The following CFAP418 variants were observed in gnomAD, a reference collection of about 807,000 sequenced individuals.
CFAP418 encodes the protein cilia and flagella associated protein 418.
Under a neutral mutation model 24.7 loss-of-function variants are expected in CFAP418, and 27 were observed. The ratio of observed to expected loss-of-function variants is 1.09; its 90% confidence interval spans 0.81 to 1.51. The LOEUF (loss-of-function observed/expected upper bound fraction) is 1.51, where lower values mean the gene tolerates loss of function less well. Among genes scored for constraint, CFAP418 ranks in the 40% most tolerant of loss-of-function variants. The pLI is 0.00. For synonymous variants in CFAP418, 74 were observed against 87.3 expected, an observed-to-expected ratio of 0.85 and a Z score of 0.85; for missense variants, 257 against 255.2, an observed-to-expected ratio of 1.01 and a Z score of -0.05.
At chr8:95,263,259 T>C (rs1282547073) in intron 2 of CFAP418, among the ~76,000 whole-genome samples, 1 of 152,202 alleles carries the variant, frequency 6.6e-6, no homozygotes, top group Non-Finnish European at 1.5e-5. Context: ...AAAATAGACA[T>C]ACAAACATTT....
Position 95,246,764 on chromosome 8 carries a change from C to A in CFAP418, c.*853G>T, listed in dbSNP as rs1461380750. ...ACTCACCTAATAAACGATATGTCAA[C>A]CTGATCCTACCAGAGAAGTCCACAG... On this transcript the variant is annotated 3_prime_UTR_variant, in exon 6 of 6. Coordinates refer to ENST00000286688, the MANE Select transcript of CFAP418 (RefSeq NM_177965.4). The A allele has an allele frequency of 1.3e-5, 2 of 152,122 alleles. No homozygotes were observed. Among genetic ancestry groups the A allele is most frequent in the African/African-American group, 4.8e-5 (2 of 41,416 alleles). 9.4% of individuals were successfully genotyped at this position (152,122 alleles called of 1,614,324 possible).
chr8:95,254,421 C>G (rs146471056), intron 4 of CFAP418, among the ~76,000 whole-genome samples: 2 of 152,282 alleles, frequency 1.3e-5, no homozygotes, highest in African/African-American at 4.8e-5. Context: ...AATCAGTACT[C>G]TTTTCAGGGC....
chr8:95,260,407 G>A, intron 3 of CFAP418, 61 bp downstream of exon 3: 8 of 1,212,450 alleles, frequency 6.6e-6, no homozygotes, highest in Non-Finnish European at 9.4e-6. Flanking sequence ...AAATCTACTA[G>A]ACTATGCTCA....
At chr8:95,268,860 A>C (rs1379268881) in intron 1 of CFAP418, 175 bp downstream of exon 1, 1 of 673,212 alleles carries the variant, frequency 1.5e-6, no homozygotes, top group African/African-American at 1.8e-5. Flanking sequence ...AGAATCCGCG[A>C]AGAGGGTCGA....
chr8:95,253,655 T>C (rs559543104), intron 4 of CFAP418, among the ~76,000 whole-genome samples: 2 of 152,364 alleles, frequency 1.3e-5, no homozygotes, highest in Admixed American at 6.5e-5. Context: ...ACAAGTTTCA[T>C]AGGCAAGTCC....
At chr8:95,248,963 T>C (rs1811668790) in intron 5 of CFAP418, among the ~76,000 whole-genome samples, 1 of 152,166 alleles carries the variant, frequency 6.6e-6, no homozygotes, top group Non-Finnish European at 1.5e-5. Context: ...TCACAAAACC[T>C]GACAGATTTT....
chr8:95,253,954 A>G (rs1811748382), intron 4 of CFAP418, among the ~76,000 whole-genome samples: 2 of 152,252 alleles, frequency 1.3e-5, no homozygotes, highest in African/African-American at 4.8e-5. Context: ...TATGTGTAAA[A>G]TCTCAACCAT....
Position 95,245,858 on chromosome 8 carries a change from T to C in CFAP418, c.*1759A>G, listed in dbSNP as rs1811611983. 2 of 152,194 alleles carry C rather than the reference T, an allele frequency of 1.3e-5. No homozygotes were observed. The highest frequency in any genetic ancestry group is 4.8e-5 in the African/African-American group (2 of 41,440). 9.4% of individuals were successfully genotyped at this position (152,194 alleles called of 1,614,324 possible). On this transcript the variant is annotated 3_prime_UTR_variant, in exon 6 of 6. Coordinates refer to ENST00000286688, the MANE Select transcript of CFAP418 (RefSeq NM_177965.4). ...TTCTATGAGGTTCTAAATGTGTGGATCTTGTTGCTCTGCTATTTTTTTCCA... is the reference window on the plus strand; with the variant it reads ...TTCTATGAGGTTCTAAATGTGTGGACCTTGTTGCTCTGCTATTTTTTTCCA...
chr8:95,267,790 G>A (rs186222233), intron 1 of CFAP418, among the ~76,000 whole-genome samples: 10 of 151,810 alleles, frequency 6.6e-5, no homozygotes, highest in Admixed American at 6.5e-4. Context: ...TTTCACAAGC[G>A]TTTCCAAAAT....
chr8:95,249,805 G>T (rs577812080), intron 5 of CFAP418, among the ~76,000 whole-genome samples: 1 of 152,270 alleles, frequency 6.6e-6, no homozygotes, highest in South Asian at 2.1e-4. Context: ...TTTCCTCAGT[G>T]ATTATTCCAC....
intron 2 of CFAP418, among the ~76,000 whole-genome samples, chr8:95,261,822 A>C (rs1046367239): frequency 9.9e-5 from 15 of 152,220 alleles, no homozygotes; most frequent in African/African-American, 3.4e-4. Context: ...CCTTAACTGA[A>C]AAGATAGCGC....
At chr8:95,268,810 C>T (rs1812071528) in intron 1 of CFAP418, 1 of 378,682 alleles carries the variant, frequency 2.6e-6, no homozygotes, top group Non-Finnish European at 4.7e-6. Flanking sequence ...CCCTCTGGGG[C>T]ATGCCGGGGG....
At chr8:95,259,775 T>G in intron 4 of CFAP418, 65 bp downstream of exon 4, 2 of 1,157,390 alleles carry the variant, frequency 1.7e-6, no homozygotes, top group South Asian at 2.6e-5. Context: ...AACTACATTT[T>G]AACAATGGGG....
chr8:95,267,970 G>C (rs928585149), intron 1 of CFAP418, among the ~76,000 whole-genome samples: 31 of 151,862 alleles, frequency 2.0e-4, no homozygotes, highest in African/African-American at 7.2e-4. Context: ...TGGTAAATTT[G>C]AAAGGTAGTT....
chr8:95,267,455 G>C (rs1586039126), intron 1 of CFAP418, among the ~76,000 whole-genome samples: 1 of 152,198 alleles, frequency 6.6e-6, no homozygotes, highest in East Asian at 1.9e-4. Flanking sequence ...CAAAAAATTA[G>C]CCAGGCGTGG....
At chr8:95,258,378 T>C (rs1811828536) in intron 4 of CFAP418, among the ~76,000 whole-genome samples, 1 of 95,026 alleles carries the variant, frequency 1.1e-5, no homozygotes, top group African/African-American at 4.2e-5. Flanking sequence ...CGAGACTCTG[T>C]CTCAAAAAAA....
At chr8:95,265,163 G>C (rs1811956991) in intron 1 of CFAP418, among the ~76,000 whole-genome samples, 1 of 151,930 alleles carries the variant, frequency 6.6e-6, no homozygotes, top group African/African-American at 2.4e-5. Flanking sequence ...TATATTGCAG[G>C]ACATTTTACA....
intron 4 of CFAP418, among the ~76,000 whole-genome samples, chr8:95,254,451 A>G (rs1587351674): frequency 1.3e-5 from 2 of 152,298 alleles, no homozygotes; most frequent in East Asian, 3.9e-4. Context: ...TTTCTCTTTC[A>G]TAACTATGTA....
chr8:95,257,273 C>G (rs1482821120), intron 4 of CFAP418, among the ~76,000 whole-genome samples: 1 of 152,152 alleles, frequency 6.6e-6, no homozygotes, highest in African/African-American at 2.4e-5. Flanking sequence ...CAGTTTGTAT[C>G]TCTAATTTTT....
Sources: gnomAD v4.1 joint callset for allele counts (sites outside exome capture counted in the v4.1 genomes callset) on GRCh38, gnomAD v4.1.1 for gene constraint, MANE v1.5 for transcripts, NCBI Gene and HGNC (gene_info 2026-07-23, HGNC 2026-07-21) for gene names.